KIF13A: variants seen among roughly 807,000 people sequenced by gnomAD.
The protein encoded by KIF13A is kinesin family member 13A.
In KIF13A, 79 loss-of-function variants were observed where a neutral mutation model predicts 212.2. The observed-to-expected ratio is 0.37, with a 90% CI of 0.31 to 0.45. KIF13A has a LOEUF of 0.45. Among genes scored for constraint, KIF13A ranks in the 20% least tolerant of loss-of-function variants. The pLI is 1.00. For synonymous variants in KIF13A, 789 were observed against 808.6 expected (o/e 0.98, Z 0.41); for missense variants, 1,901 against 2,209.0 (o/e 0.86, Z 2.79).
At position 17,912,095 on chromosome 6, in the gene KIF13A, A is replaced by G. The variant is rs1774125506; in HGVS notation, c.147-13915T>C. Among the ~76,000 whole-genome samples, 1 of 152,162 alleles carries G rather than the reference A, an allele frequency of 6.6e-6. No individual in the cohort carries two copies. Among genetic ancestry groups the G allele is most frequent in the Non-Finnish European group, 1.5e-5 (1 of 68,034 alleles). On this transcript the variant is annotated intron_variant, in intron 2 of 38. Transcript: ENST00000259711. This position sits in a 1 kb window ranked among gnomAD's most constrained non-coding sequence, Gnocchi z 4.2. ...TTAACTGTACATTTAAAAATAACTAAAAGAGTATAATTGGATTGTTTGTAA... is the reference window on the plus strand; with the variant it reads ...TTAACTGTACATTTAAAAATAACTAGAAGAGTATAATTGGATTGTTTGTAA...
chr6:17,879,231 T>C lies in KIF13A; in HGVS notation c.160-5794A>G, dbSNP rs143110083. On this transcript the variant is annotated intron_variant, in intron 3 of 38. Coordinates refer to ENST00000259711, the MANE Select transcript of KIF13A (RefSeq NM_022113.6). ...TGCCTTGGTTCTTCTGTGTGGGTCT[T>C]ACTTCCAAATCTAAATGGTGAGCTC... 7.2e-5 allele frequency among the ~76,000 whole-genome samples: 11 copies of C among 152,314 alleles called. No homozygotes were observed. In the East Asian group the frequency reaches 1.7e-3, roughly 24 times the overall value.
At chr6:17,972,621 C>T (rs61269552) in intron 2 of KIF13A, among the ~76,000 whole-genome samples, 33,544 of 152,054 alleles carry the variant, frequency 0.22, 4,260 homozygotes, top group African/African-American at 0.35. Flanking sequence ...CTTTTCAACA[C>T]TCGCAACAGA....
chr6:17,926,516 G>A lies in KIF13A; in HGVS notation c.147-28336C>T, dbSNP rs1314091702. Among the ~76,000 whole-genome samples the A allele has an allele frequency of 6.6e-6, 1 of 152,146 alleles. No homozygotes were observed. The highest frequency in any genetic ancestry group is 1.5e-5 in the Non-Finnish European group (1 of 68,030). ...CAAAGTGCTGGTATTACAGGTGTGA[G>A]CCACCATGCCTGGCCCCTGGTACGT... is the stretch of plus-strand genomic sequence containing the variant. On this transcript the variant is annotated intron_variant, in intron 2 of 38. Coordinates refer to ENST00000259711, the MANE Select transcript of KIF13A (RefSeq NM_022113.6). This position sits in a 1 kb window ranked among gnomAD's most constrained non-coding sequence, Gnocchi z 4.3.
intron 26 of KIF13A, among the ~76,000 whole-genome samples, chr6:17,788,591 A>G (rs1761259009): frequency 6.6e-6 from 1 of 152,232 alleles, no homozygotes; most frequent in African/African-American, 2.4e-5. Context: ...TCTTCGTGGA[A>G]TTATGAGTAG....
chr6:17,903,412 C>A (rs1415806236), intron 2 of KIF13A, among the ~76,000 whole-genome samples: 1 of 152,134 alleles, frequency 6.6e-6, no homozygotes, highest in Non-Finnish European at 1.5e-5. Flanking sequence ...AATGGGATTT[C>A]CATATTGCAA....
chr6:17,797,831 G>A (rs927188512), intron 22 of KIF13A, among the ~76,000 whole-genome samples: 7 of 152,148 alleles, frequency 4.6e-5, no homozygotes, highest in East Asian at 3.9e-4. Flanking sequence ...CCAGGAGTTC[G>A]AGGCTGCAGT....
intron 2 of KIF13A, among the ~76,000 whole-genome samples, chr6:17,966,438 T>C (rs1450706289): frequency 6.9e-6 from 1 of 143,998 alleles, no homozygotes; most frequent in Non-Finnish European, 1.5e-5. Context: ...TATTCAAGAC[T>C]CTGAATTTTT....
At chr6:17,964,107 G>T (rs1441624024) in intron 2 of KIF13A, among the ~76,000 whole-genome samples, 1 of 152,102 alleles carries the variant, frequency 6.6e-6, no homozygotes, top group Non-Finnish European at 1.5e-5. Context: ...GACAGAGTGA[G>T]ACCCTGTCTC....
chr6:17,799,538 T>C lies in KIF13A; in HGVS notation c.2617-99A>G, dbSNP rs1259469522. ...AAGAGTAAGCGATGAAACAAATTGG[T>C]CATCCATTTGACATGTGAAAATATT... On this transcript the variant is annotated intron_variant, in intron 21 of 38. Transcript: ENST00000259711. This position sits in a 1 kb window ranked among gnomAD's most constrained non-coding sequence, Gnocchi z 4.4. The C allele has an allele frequency of 3.2e-6, 3 of 936,728 alleles. No individual in the cohort carries two copies. The highest frequency in any genetic ancestry group is 3.3e-5 in the African/African-American group (2 of 60,018). 58.0% of individuals were successfully genotyped at this position (936,728 alleles called of 1,614,324 possible).
rs1364265277 is a variant in KIF13A at position 17,934,960 on chromosome 6, C to T, written c.147-36780G>A. On this transcript the variant is annotated intron_variant, in intron 2 of 38. Coordinates refer to ENST00000259711, the MANE Select transcript of KIF13A (RefSeq NM_022113.6). This position sits in a 1 kb window ranked among gnomAD's most constrained non-coding sequence, Gnocchi z 5.4. Reference sequence around the variant, plus strand: ...CAGATCCTGTATTGATTTATTACTGCAATACCTGAAGCAAGTTCCTTTACA... The same window carrying T: ...CAGATCCTGTATTGATTTATTACTGTAATACCTGAAGCAAGTTCCTTTACA... Among the ~76,000 whole-genome samples the T allele has an allele frequency of 6.6e-6, 1 of 152,164 alleles. No homozygotes were observed. Among genetic ancestry groups the T allele is most frequent in the African/African-American group, 2.4e-5 (1 of 41,426 alleles).
Position 17,874,631 on chromosome 6 carries a change from C to T in KIF13A, c.160-1194G>A, listed in dbSNP as rs555549799. Among the ~76,000 whole-genome samples, 4 of 151,756 alleles carry T rather than the reference C, an allele frequency of 2.6e-5. No homozygotes were observed. The South Asian group carries it at 8.4e-4, about 32-fold the overall frequency. ...TCATGTTTTATCTTTTTTTATTTTT[C>T]TATAAGTTATTGGGGTACAGGTGGT... On this transcript the variant is annotated intron_variant, in intron 3 of 38. Transcript: ENST00000259711.
In KIF13A at chr6:17,987,580, C is replaced by G; in HGVS notation, c.-117G>C. 2.3e-6 allele frequency: 1 copy of G among 439,540 alleles called. No homozygotes were observed. Among genetic ancestry groups the G allele is most frequent in the Non-Finnish European group, 3.0e-6 (1 of 333,068 alleles). The allele number at this position is 439,540 out of a possible 1,614,324, so 27.2% of individuals were successfully genotyped here. A position where few individuals can be genotyped will look rare whatever the true frequency, so the allele number is the denominator to read the frequency against. ...CTCGAGCGCGGCCGCCGCCGCTCCGCCGTGAGCTCCGAGAGGCAGCGCCGA... is the reference window on the plus strand; with the variant it reads ...CTCGAGCGCGGCCGCCGCCGCTCCGGCGTGAGCTCCGAGAGGCAGCGCCGA... On this transcript the variant is annotated 5_prime_UTR_variant, in exon 1 of 39. Coordinates refer to ENST00000259711, the MANE Select transcript of KIF13A (RefSeq NM_022113.6). This position sits in a 1 kb window ranked among gnomAD's most constrained non-coding sequence, Gnocchi z 7.7.
chr6:17,929,823 T>C (rs1283671732), intron 2 of KIF13A, among the ~76,000 whole-genome samples: 1 of 152,222 alleles, frequency 6.6e-6, no homozygotes, highest in Non-Finnish European at 1.5e-5. Flanking sequence ...GTTATAGGCG[T>C]GAGCCACCAC....
intron 2 of KIF13A, among the ~76,000 whole-genome samples, chr6:17,923,151 G>A (rs987128597): frequency 6.6e-6 from 1 of 151,754 alleles, no homozygotes; most frequent in African/African-American, 2.4e-5. Context: ...GCAGGTGCCT[G>A]TATTCCCAGT....
At chr6:17,893,987 G>A (rs1394080978) in intron 3 of KIF13A, among the ~76,000 whole-genome samples, 1 of 151,404 alleles carries the variant, frequency 6.6e-6, no homozygotes, top group Non-Finnish European at 1.5e-5. Flanking sequence ...CTACAGGCGT[G>A]TGCCACCACA....
chr6:17,843,935 C>T lies in KIF13A; in HGVS notation c.830+5442G>A, dbSNP rs370831428. 5.6e-4 allele frequency among the ~76,000 whole-genome samples: 85 copies of T among 151,840 alleles called. No individual in the cohort carries two copies. Among genetic ancestry groups the T allele is most frequent in the African/African-American group, 1.9e-3 (78 of 41,414 alleles). On this transcript the variant is annotated intron_variant, in intron 9 of 38. Coordinates refer to ENST00000259711, the MANE Select transcript of KIF13A (RefSeq NM_022113.6). The surrounding 1 kb of genome is among the most constrained non-coding windows in gnomAD (Gnocchi z 5.3). Reference sequence around the variant, plus strand: ...TGGCGCACGCCTATAATCCCAGCTACTCGGGAGGCTGAGGCAGGAGAATCA... The same window carrying T: ...TGGCGCACGCCTATAATCCCAGCTATTCGGGAGGCTGAGGCAGGAGAATCA...
At chr6:17,793,703 A>C (rs1293683190) in intron 25 of KIF13A, among the ~76,000 whole-genome samples, 2 of 150,650 alleles carry the variant, frequency 1.3e-5, no homozygotes, top group Non-Finnish European at 2.9e-5. Context: ...ACTTGAGTCC[A>C]GGAATTTGAG....
rs530200704 is a variant in KIF13A, at chr6:17,837,201, T to C, written c.943-111A>G. On this transcript the variant is annotated intron_variant, in intron 10 of 38. Coordinates refer to ENST00000259711, the MANE Select transcript of KIF13A (RefSeq NM_022113.6). This position sits in a 1 kb window ranked among gnomAD's most constrained non-coding sequence, Gnocchi z 5.4. Reference sequence around the variant, plus strand: ...ATTATTCTCTATGAAGGAAACATTATGTGGAAATGGACTTGCATTTCACAA... The same window carrying C: ...ATTATTCTCTATGAAGGAAACATTACGTGGAAATGGACTTGCATTTCACAA... 4.2e-6 allele frequency: 4 copies of C among 961,828 alleles called. No homozygotes were observed. The African/African-American group carries it at 4.9e-5, about 12-fold the overall frequency. 59.6% of individuals were successfully genotyped at this position (961,828 alleles called of 1,614,324 possible).
At chr6:17,852,836 CAG>C (rs1271233649) in intron 6 of KIF13A, among the ~76,000 whole-genome samples, 2 of 152,154 alleles carry the variant, frequency 1.3e-5, no homozygotes, top group Non-Finnish European at 2.9e-5. Flanking sequence ...GATTATAGTA[CAG>C]AGTTTGTTTA....
Sources: allele counts gnomAD v4.1 joint callset (sites outside exome capture counted in the v4.1 genomes callset), GRCh38; gene constraint gnomAD v4.1.1; non-coding constraint Gnocchi (gnomAD v3.1); transcripts MANE v1.5; gene names NCBI Gene and HGNC (gene_info 2026-07-23, HGNC 2026-07-21).